The following DAB1 variants were observed in gnomAD, a reference collection of about 807,000 sequenced individuals.
The protein encoded by DAB1 is disabled homolog 1.
Under a neutral mutation model 64.6 loss-of-function variants are expected in DAB1, and 15 were observed. The ratio of observed to expected loss-of-function variants is 0.23; its 90% CI spans 0.16 to 0.36. The LOEUF (loss-of-function observed/expected upper bound fraction) is 0.36. DAB1 is among the 10% of genes least tolerant of loss of function. DAB1 has a pLI of 1.00. For synonymous variants in DAB1, 235 were observed against 251.9 expected, an observed-to-expected ratio of 0.93 and a Z score of 0.64; for missense variants, 596 against 706.7, an observed-to-expected ratio of 0.84 and a Z score of 1.78.
At chr1:57,813,120 T>C (rs1651705647) in intron 6 of DAB1, among the ~76,000 whole-genome samples, 1 of 152,232 alleles carries the variant, frequency 6.6e-6, no homozygotes, top group African/African-American at 2.4e-5. Context: ...CATGCTTATA[T>C]GCATCTATAA....
At chr1:58,447,566 G>A (rs1374972787) in intron 3 of DAB1, among the ~76,000 whole-genome samples, 1 of 152,178 alleles carries the variant, frequency 6.6e-6, no homozygotes, top group Admixed American at 6.5e-5. Context: ...CCTTCCCAGA[G>A]CTTATAGATT....
chr1:57,506,133 C>T (rs1570580733), intron 7 of DAB1, among the ~76,000 whole-genome samples: 2 of 152,108 alleles, frequency 1.3e-5, no homozygotes, highest in South Asian at 2.1e-4. Context: ...TGCCAGAGTC[C>T]TCCTGAGCCC....
chr1:58,388,443 T>A lies in DAB1; in HGVS notation n.258-45040A>T, dbSNP rs114121158. Among the ~76,000 whole-genome samples the A allele has an allele frequency of 8.6e-3, 1,308 of 152,342 alleles. 18 individuals are homozygous for A. The highest frequency in any genetic ancestry group is 0.03 in the African/African-American group (1,245 of 41,584). On this transcript the variant is annotated intron_variant and non_coding_transcript_variant, in intron 3 of 20. Transcript: ENST00000485760. ...CCACGGTCATGTAGTTCCTATCCTT[T>A]ACCCTTCTTCCTGCCTGGAGTGCAG...
At chr1:57,689,772 A>G (rs189220845) in intron 6 of DAB1, among the ~76,000 whole-genome samples, 1 of 152,290 alleles carries the variant, frequency 6.6e-6, no homozygotes, top group East Asian at 1.9e-4. Flanking sequence ...TAATCCAATT[A>G]TACTCTTTCA....
intron 5 of DAB1, among the ~76,000 whole-genome samples, chr1:57,906,584 C>T (rs1266733484): frequency 2.0e-5 from 3 of 152,116 alleles, no homozygotes; most frequent in Non-Finnish European, 4.4e-5. Context: ...CACAGTGAGG[C>T]TCCCCAGAAT....
intron 1 of DAB1, among the ~76,000 whole-genome samples, chr1:57,375,426 G>A (rs1019207814): frequency 6.6e-6 from 1 of 152,174 alleles, no homozygotes; most frequent in African/African-American, 2.4e-5. Flanking sequence ...CAAAGGCCAT[G>A]CTTATTAACC....
intron 4 of DAB1, among the ~76,000 whole-genome samples, chr1:57,085,671 G>A (rs558199418): frequency 6.6e-6 from 1 of 152,184 alleles, no homozygotes; most frequent in African/African-American, 2.4e-5. Flanking sequence ...CCCTTCATGT[G>A]TATAATTACC....
chr1:57,709,012 C>T (rs1047613250), intron 6 of DAB1, among the ~76,000 whole-genome samples: 1 of 152,040 alleles, frequency 6.6e-6, no homozygotes, highest in Non-Finnish European at 1.5e-5. Flanking sequence ...TCCACTTCCT[C>T]CTAAGGAATC....
At chr1:57,072,151 G>A (rs145907654) in intron 5 of DAB1, 132 bp downstream of exon 5, 176 of 962,360 alleles carry the variant, frequency 1.8e-4, no homozygotes, top group Middle Eastern at 7.0e-4. Flanking sequence ...AGATGGGAAT[G>A]TGAGCATCAA....
At chr1:58,167,054 TA>T (rs35985910) in intron 4 of DAB1, among the ~76,000 whole-genome samples, 76,942 of 146,222 alleles carry the variant, frequency 0.53, 22,046 homozygotes, top group East Asian at 0.86. Flanking sequence ...AGCCAACTAT[TA>T]AAAAAAAAAA....
At chr1:57,122,372 G>A (rs945951014) in intron 4 of DAB1, among the ~76,000 whole-genome samples, 6 of 152,164 alleles carry the variant, frequency 3.9e-5, no homozygotes, top group African/African-American at 1.4e-4. Flanking sequence ...ACTTCAAGGT[G>A]CTGATGGGAG....
At chr1:57,884,946 C>T (rs1047031411), upstream of DAB1, among the ~76,000 whole-genome samples, 1 of 152,208 alleles carries the variant, frequency 6.6e-6, no homozygotes, top group Non-Finnish European at 1.5e-5. Context: ...CTCCCTCTCC[C>T]CTTCCACCAT....
Position 57,627,237 on chromosome 1 carries a change from T to A in DAB1, n.625+22355A>T, listed in dbSNP as rs554893207. On this transcript the variant is annotated intron_variant and non_coding_transcript_variant, in intron 7 of 20. Transcript: ENST00000485760. ...CAGACTGGGAATCTACATTATTGGCTCCCCTGGTTCTCAGGCCTTCAGACT... is the reference window on the plus strand; with the variant it reads ...CAGACTGGGAATCTACATTATTGGCACCCCTGGTTCTCAGGCCTTCAGACT... Among the ~76,000 whole-genome samples the A allele has an allele frequency of 2.0e-5, 3 of 152,288 alleles. No individual in the cohort carries two copies. The South Asian group carries it at 6.2e-4, about 32-fold the overall frequency.
chr1:58,472,378 A>G (rs956112387), intron 3 of DAB1, among the ~76,000 whole-genome samples: 1 of 152,160 alleles, frequency 6.6e-6, no homozygotes, highest in Admixed American at 6.5e-5. Context: ...TCCTTGGTAT[A>G]TTTGGTCCTG....
chr1:57,469,716 A>G (rs1324084098), intron 7 of DAB1, among the ~76,000 whole-genome samples: 2 of 152,192 alleles, frequency 1.3e-5, no homozygotes, highest in Non-Finnish European at 2.9e-5. Flanking sequence ...CAGTACATCA[A>G]CTGATACAAA....
At chr1:57,090,329 G>T (rs1276862787) in intron 4 of DAB1, among the ~76,000 whole-genome samples, 1 of 152,156 alleles carries the variant, frequency 6.6e-6, no homozygotes, top group Non-Finnish European at 1.5e-5. Flanking sequence ...GTAAGCACAA[G>T]GATGAAAATC....
chr1:57,451,084 C>T (rs1686336417), intron 7 of DAB1, among the ~76,000 whole-genome samples: 1 of 152,220 alleles, frequency 6.6e-6, no homozygotes, highest in Non-Finnish European at 1.5e-5. Flanking sequence ...ATCCTTCCTG[C>T]CAGCATTCCT....
chr1:57,194,127 G>A (rs1664413438), intron 2 of DAB1, among the ~76,000 whole-genome samples: 1 of 152,238 alleles, frequency 6.6e-6, no homozygotes, highest in Admixed American at 6.5e-5. Context: ...AAACTTGAGT[G>A]TGCATTAGAA....
chr1:57,826,828 T>C (rs1652370670), intron 1 of DAB1, among the ~76,000 whole-genome samples: 1 of 152,168 alleles, frequency 6.6e-6, no homozygotes, highest in South Asian at 2.1e-4. Context: ...GCACTTGCCA[T>C]GTGCTCCTCT....
Sources: gnomAD v4.1 joint callset for allele counts (sites outside exome capture counted in the v4.1 genomes callset) on GRCh38, gnomAD v4.1.1 for gene constraint, MANE v1.5 for transcripts, NCBI Gene and HGNC (gene_info 2026-07-23, HGNC 2026-07-21) for gene names.